The following UGT1A10 variants were observed in gnomAD, a reference collection of about 807,000 sequenced individuals.
The protein encoded by UGT1A10 is UDP-glucuronosyltransferase 1A10.
A neutral mutation model predicts 45.8 loss-of-function variants in UGT1A10; 49 were observed. The observed-to-expected ratio is 1.07, with a 90% CI of 0.85 to 1.36. The LOEUF (loss-of-function observed/expected upper bound fraction) is 1.36, where lower values mean the gene tolerates loss of function less well. Ranked by LOEUF, UGT1A10 falls within the 40% of genes most tolerant of loss-of-function variation. UGT1A10 has a pLI of 0.00. For synonymous variants in UGT1A10, 284 were observed against 249.7 expected (o/e 1.14, Z -1.29); for missense variants, 745 against 668.6 (o/e 1.11, Z -1.26).
intron 1 of UGT1A10, among the ~76,000 whole-genome samples, chr2:233,736,416 C>T (rs933216996): frequency 3.3e-5 from 5 of 152,094 alleles, no homozygotes; most frequent in Non-Finnish European, 4.4e-5. Context: ...TTCATCTAAC[C>T]TTTTTTCAAG....
chr2:233,754,698 G>A (rs1338338783), intron 1 of UGT1A10: 2 of 506,588 alleles, frequency 3.9e-6, no homozygotes, highest in African/African-American at 2.0e-5. Context: ...AGTGGAAGTC[G>A]ACATGGACTT....
chr2:233,767,294 T>C, intron 2 of UGT1A10, 129 bp downstream of exon 2: 2 of 1,552,282 alleles, frequency 1.3e-6, no homozygotes, highest in Non-Finnish European at 1.7e-6. Context: ...TTCCCAACTA[T>C]TAATCCAAAG....
At chr2:233,644,079 C>T (rs1575396522) in intron 1 of UGT1A10, among the ~76,000 whole-genome samples, 1 of 152,250 alleles carries the variant, frequency 6.6e-6, no homozygotes, top group African/African-American at 2.4e-5. Context: ...TGTCATACTC[C>T]CCTTTACCCA....
chr2:233,716,641 A>C (rs1322412642), intron 1 of UGT1A10, among the ~76,000 whole-genome samples: 1 of 152,130 alleles, frequency 6.6e-6, no homozygotes, highest in Non-Finnish European at 1.5e-5. Context: ...TATCGTTTGT[A>C]CTTTTTGTAC....
At chr2:233,751,385 T>C (rs1694712496) in intron 1 of UGT1A10, among the ~76,000 whole-genome samples, 1 of 152,160 alleles carries the variant, frequency 6.6e-6, no homozygotes, top group African/African-American at 2.4e-5. Flanking sequence ...TTGCCTTGTC[T>C]CAGATAAGAC....
At chr2:233,660,138 G>A (rs1364247444) in intron 1 of UGT1A10, among the ~76,000 whole-genome samples, 1 of 152,194 alleles carries the variant, frequency 6.6e-6, no homozygotes, top group African/African-American at 2.4e-5. Flanking sequence ...TTTCTGCAGC[G>A]ATAATGTATT....
At chr2:233,705,068 G>A (rs546332987) in intron 1 of UGT1A10, among the ~76,000 whole-genome samples, 15 of 151,972 alleles carry the variant, frequency 9.9e-5, no homozygotes, top group Non-Finnish European at 1.8e-4. Flanking sequence ...CCCGGGAGGC[G>A]GAGGTTGCAG....
At position 233,639,433 on chromosome 2, in the gene UGT1A10, C is replaced by T. The variant is rs868578267; in HGVS notation, c.855+2056C>T. 6.6e-5 allele frequency among the ~76,000 whole-genome samples: 10 copies of T among 152,140 alleles called. No individual in the cohort carries two copies. The South Asian group carries it at 8.3e-4, about 13-fold the overall frequency. On this transcript the variant is annotated intron_variant, in intron 1 of 4. Coordinates refer to ENST00000344644, the MANE Select transcript of UGT1A10 (RefSeq NM_019075.4). ...TAAAAGTAAATTGTCATCAAAAGAA[C>T]GATGAACACTGCATATTGCTCTTTC...
intron 1 of UGT1A10, among the ~76,000 whole-genome samples, chr2:233,637,724 A>G (rs1188065942): frequency 6.6e-6 from 1 of 152,170 alleles, no homozygotes; most frequent in Non-Finnish European, 1.5e-5. Context: ...TTTTGTGTAC[A>G]TTCTTTTCAT....
At chr2:233,747,351 G>A (rs1693640886) in intron 1 of UGT1A10, 1 of 1,603,176 alleles carries the variant, frequency 6.2e-7, no homozygotes, top group Non-Finnish European at 8.5e-7. Context: ...CATGCGGGAG[G>A]CCGTGCGGGA....
intron 1 of UGT1A10, chr2:233,740,656 G>A (rs17862875): frequency 0.3 from 44,719 of 151,578 alleles, 6,954 homozygotes; most frequent in South Asian, 0.39. Flanking sequence ...TGTACTTGGT[G>A]AGAAGGTACA....
intron 1 of UGT1A10, chr2:233,760,357 G>A (rs1697415689): frequency 6.2e-7 from 1 of 1,613,982 alleles, no homozygotes; most frequent in African/African-American, 1.3e-5. Flanking sequence ...GGGCCCAGTG[G>A]TGTCCCATGC....
chr2:233,747,072 T>C (rs1174138764), intron 1 of UGT1A10: 1 of 1,024,362 alleles, frequency 9.8e-7, no homozygotes, highest in African/African-American at 1.6e-5. Context: ...TCGGTAATAA[T>C]TAACTAGGAG....
rs764097812 is a variant in UGT1A10 at position 233,719,154 on chromosome 2, A to G, written c.856-47880A>G. 40 of 1,614,150 alleles carry G rather than the reference A, an allele frequency of 2.5e-5. No homozygotes were observed. Among genetic ancestry groups the G allele is most frequent in the Non-Finnish European group, 3.1e-5 (37 of 1,180,060 alleles). On this transcript the variant is annotated intron_variant, in intron 1 of 4. Transcript: ENST00000344644. ...AGAACATCTTCTGAAGAGATATTCT[A>G]GAAGTATGGCAATTATGAACAATGT...
In UGT1A10 at chr2:233,724,671, T is replaced by C. The variant is rs376440949; in HGVS notation, c.856-42363T>C. On this transcript the variant is annotated intron_variant, in intron 1 of 4. Coordinates refer to ENST00000344644, the MANE Select transcript of UGT1A10 (RefSeq NM_019075.4). ...CTGGGAAGAGGCGCTCCTCACTTCC[T>C]AGATGGGATGGCGGCCGGGTGAAGA... 3.9e-4 allele frequency among the ~76,000 whole-genome samples: 56 copies of C among 142,288 alleles called. 1 individual carries two copies. Among genetic ancestry groups the C allele is most frequent in the Non-Finnish European group, 7.5e-4 (49 of 65,750 alleles). The allele number at this position is 142,288 out of a possible 152,430, so 93.3% of individuals were successfully genotyped here.
rs45544935 is a variant in UGT1A10, at chr2:233,636,579, C to T, written c.57C>T (p.Thr19=). Residue 19 remains threonine, a synonymous_variant, in exon 1 of 5, where the codon ACC becomes ACT. Transcript: ENST00000344644. ...CTTTATGTGTGTGTCTACTGCTGAC[C>T]TGTGGCTTTGCCGAGGCAGGGAAGC... ...PVPLCVCLLL[T]CGFAEAGKLL... 2.5e-5 allele frequency: 40 copies of T among 1,614,130 alleles called. No homozygotes were observed. The African/African-American group carries it at 5.2e-4, about 21-fold the overall frequency.
chr2:233,662,923 T>C (rs1305083320), intron 1 of UGT1A10, among the ~76,000 whole-genome samples: 1 of 152,126 alleles, frequency 6.6e-6, no homozygotes, highest in Non-Finnish European at 1.5e-5. Context: ...ATTTATATGG[T>C]ATGTTACTTA....
intron 1 of UGT1A10, among the ~76,000 whole-genome samples, chr2:233,651,732 T>C (rs1372182963): frequency 6.6e-6 from 1 of 152,192 alleles, no homozygotes; most frequent in Non-Finnish European, 1.5e-5. Flanking sequence ...AGTCATAGTC[T>C]GAAGTGTCTG....
intron 1 of UGT1A10, among the ~76,000 whole-genome samples, chr2:233,688,805 C>T (rs2074914303): frequency 6.6e-6 from 1 of 152,070 alleles, no homozygotes; most frequent in Admixed American, 6.6e-5. Context: ...TGATTAGCTA[C>T]AAACTGTGAA....
Sources: allele counts gnomAD v4.1 joint callset (sites outside exome capture counted in the v4.1 genomes callset), GRCh38; gene constraint gnomAD v4.1.1; transcripts MANE v1.5; gene names NCBI Gene and HGNC (gene_info 2026-07-23, HGNC 2026-07-21).